The following TULP4 variants were observed in gnomAD, a reference collection of about 807,000 sequenced individuals.
TULP4 encodes tubby-related protein 4.
In TULP4, 16 loss-of-function variants were observed where a neutral mutation model predicts 129.0. That is an observed-to-expected ratio of 0.12 (90% CI 0.08 to 0.19). The LOEUF (loss-of-function observed/expected upper bound fraction) is 0.19, where lower values mean the gene tolerates loss of function less well. Ranked by LOEUF, TULP4 falls within the 10% of genes least tolerant of loss-of-function variation. The probability of loss-of-function intolerance (pLI) is 1.00; values close to 1 mark genes in which losing one functional copy is unlikely to be tolerated. For synonymous variants in TULP4, 998 were observed against 854.0 expected, an observed-to-expected ratio of 1.17 and a Z score of -2.94; for missense variants, 1,842 against 2,059.1, an observed-to-expected ratio of 0.89 and a Z score of 2.04.
chr6:158,233,520 A>C (rs1056907986), intron 1 of TULP4, among the ~76,000 whole-genome samples: 29 of 152,192 alleles, frequency 1.9e-4, no homozygotes, highest in Admixed American at 7.9e-4. Flanking sequence ...CCCGCTGGGA[A>C]TGGTGCGGTG....
At chr6:158,341,610 T>G (rs904329862) in intron 1 of TULP4, among the ~76,000 whole-genome samples, 22 of 152,324 alleles carry the variant, frequency 1.4e-4, no homozygotes, top group African/African-American at 4.8e-4. Context: ...CTGTTTTAAC[T>G]GGGGTGAGAT....
intron 4 of TULP4, among the ~76,000 whole-genome samples, chr6:158,451,281 A>G (rs1433983621): frequency 6.6e-6 from 1 of 152,160 alleles, no homozygotes. Context: ...TTAGTGGCCT[A>G]GGGAATTTGA....
chr6:158,271,257 C>T (rs1447379157), intron 1 of TULP4, among the ~76,000 whole-genome samples: 1 of 151,468 alleles, frequency 6.6e-6, no homozygotes, highest in Non-Finnish European at 1.5e-5. Flanking sequence ...TGTTGCTTCT[C>T]ATGTGGTAAT....
intron 1 of TULP4, among the ~76,000 whole-genome samples, chr6:158,290,102 A>T (rs1778906876): frequency 6.6e-6 from 1 of 151,828 alleles, no homozygotes; most frequent in African/African-American, 2.4e-5. Context: ...ATGCTGGCTA[A>T]TTTTAAAATT....
intron 3 of TULP4, among the ~76,000 whole-genome samples, chr6:158,435,552 C>G (rs1332342886): frequency 6.6e-6 from 1 of 152,134 alleles, no homozygotes; most frequent in Non-Finnish European, 1.5e-5. Context: ...CTCGGTCCCC[C>G]TTCCTAGGTT....
chr6:158,340,909 G>A (rs1780164833), intron 1 of TULP4, among the ~76,000 whole-genome samples: 1 of 152,194 alleles, frequency 6.6e-6, no homozygotes, highest in African/African-American at 2.4e-5. Flanking sequence ...AAGCAAGACT[G>A]AGGAGTTAAA....
At chr6:158,295,381 T>G (rs1779009063) in intron 1 of TULP4, among the ~76,000 whole-genome samples, 1 of 152,144 alleles carries the variant, frequency 6.6e-6, no homozygotes, top group Admixed American at 6.5e-5. Flanking sequence ...TCCTTACTAA[T>G]TTTTCTAAAA....
Position 158,393,432 on chromosome 6 carries a change from A to ACATTTC in TULP4, c.253-19631_253-19626dup, listed in dbSNP as rs1431518272. 3.9e-5 allele frequency among the ~76,000 whole-genome samples: 6 copies of ACATTTC among 152,168 alleles called. No individual in the cohort carries two copies. In the East Asian group the frequency reaches 1.2e-3, roughly 29 times the overall value. On this transcript the variant is annotated intron_variant, in intron 1 of 13. Coordinates refer to ENST00000367097, the MANE Select transcript of TULP4 (RefSeq NM_020245.5). ...GGGACTCTGTGTGGGCTCCAACCCC[A>ACATTTC]CATTTCCCCTCACATTGCCTTAGTA...
chr6:158,269,025 C>T (rs1358411378), intron 1 of TULP4, among the ~76,000 whole-genome samples: 4 of 152,124 alleles, frequency 2.6e-5, no homozygotes, highest in African/African-American at 9.7e-5. Flanking sequence ...AGCTTAGTGA[C>T]CAGAGCATTG....
chr6:158,418,841 T>C (rs947205201), intron 2 of TULP4, among the ~76,000 whole-genome samples: 1 of 152,198 alleles, frequency 6.6e-6, no homozygotes, highest in Non-Finnish European at 1.5e-5. Flanking sequence ...TGATGTAAAA[T>C]TGCTGGTATC....
At chr6:158,344,036 C>T (rs1248797609) in intron 1 of TULP4, among the ~76,000 whole-genome samples, 1 of 152,120 alleles carries the variant, frequency 6.6e-6, no homozygotes, top group African/African-American at 2.4e-5. Flanking sequence ...TCTTCCCCAC[C>T]CTAACTGATC....
intron 1 of TULP4, among the ~76,000 whole-genome samples, chr6:158,256,477 G>GCCGAGAAA (rs1163851358): frequency 6.6e-6 from 1 of 152,170 alleles, no homozygotes; most frequent in Non-Finnish European, 1.5e-5. Flanking sequence ...AAAAGTTGCA[G>GCCGAGAAA]CCGAGAAACC....
chr6:158,412,299 C>T (rs1004518662), intron 1 of TULP4, among the ~76,000 whole-genome samples: 1 of 152,172 alleles, frequency 6.6e-6, no homozygotes, highest in African/African-American at 2.4e-5. Context: ...GGTTTGGTGG[C>T]TCATGGTGTC....
upstream of TULP4, among the ~76,000 whole-genome samples, chr6:158,311,390 T>A (rs1014597967): frequency 1.3e-5 from 2 of 152,078 alleles, no homozygotes; most frequent in African/African-American, 4.8e-5. Context: ...ATGAGTAAGT[T>A]AGGGACAGAG....
intron 5 of TULP4, among the ~76,000 whole-genome samples, chr6:158,459,514 A>C (rs634715): frequency 0.42 from 63,026 of 151,332 alleles, 14,423 homozygotes; most frequent in African/African-American, 0.62. Flanking sequence ...CATCTCGTAG[A>C]CAGAGCCTGG....
intron 1 of TULP4, among the ~76,000 whole-genome samples, chr6:158,342,862 T>C (rs1054512719): frequency 2.6e-5 from 4 of 152,192 alleles, no homozygotes; most frequent in African/African-American, 7.2e-5. Context: ...ATATAAAATA[T>C]CTGGTACAGT....
intron 5 of TULP4, among the ~76,000 whole-genome samples, chr6:158,452,744 G>A (rs1033964014): frequency 6.6e-6 from 1 of 152,204 alleles, no homozygotes; most frequent in Admixed American, 6.5e-5. Context: ...TGGAGGTTCT[G>A]CAATTACTAG....
intron 1 of TULP4, among the ~76,000 whole-genome samples, chr6:158,325,309 T>C (rs907127773): frequency 5.3e-5 from 8 of 152,132 alleles, no homozygotes; most frequent in African/African-American, 1.9e-4. Flanking sequence ...TAACTCTTAA[T>C]TGTAGCCAGT....
intron 1 of TULP4, among the ~76,000 whole-genome samples, chr6:158,232,931 G>T (rs1216647466): frequency 1.3e-5 from 2 of 152,242 alleles, no homozygotes; most frequent in Non-Finnish European, 2.9e-5. Context: ...TGGAGTCTGT[G>T]CTGTTTCCTC....
Sources: allele counts gnomAD v4.1 joint callset (sites outside exome capture counted in the v4.1 genomes callset), GRCh38; gene constraint gnomAD v4.1.1; transcripts MANE v1.5; gene names NCBI Gene and HGNC (gene_info 2026-07-23, HGNC 2026-07-21).